FBXO28: variants seen among roughly 807,000 people sequenced by gnomAD.
FBXO28 encodes the protein F-box only protein 28.
A neutral mutation model predicts 38.1 loss-of-function variants in FBXO28; 8 were observed. The ratio of observed to expected loss-of-function variants is 0.21; its 90% CI spans 0.12 to 0.38. FBXO28 has a LOEUF of 0.38. Among genes scored for constraint, FBXO28 ranks in the 10% least tolerant of loss-of-function variants. FBXO28 has a pLI of 1.00. For missense variants in FBXO28, 345 were observed against 460.6 expected (o/e 0.75, Z 2.30); for synonymous variants, 168 against 173.8 (o/e 0.97, Z 0.26).
At position 224,161,444 on chromosome 1, in the gene FBXO28, T is replaced by C. The variant is rs1657904996; in HGVS notation, c.*3698T>C. 6.6e-6 allele frequency: 1 copy of C among 152,230 alleles called. No individual in the cohort carries two copies. The highest frequency in any genetic ancestry group is 2.4e-5 in the African/African-American group (1 of 41,470). The allele number at this position is 152,230 out of a possible 1,614,324, so 9.4% of individuals were successfully genotyped here. A position where few individuals can be genotyped will look rare whatever the true frequency, so the allele number is the denominator to read the frequency against. ...GTTTGGAAATGGCTGATTTCTGATA[T>C]GAAACCCAACTTGATACACTGTTTG... On this transcript the variant is annotated 3_prime_UTR_variant, in exon 5 of 5. Coordinates refer to ENST00000366862, the MANE Select transcript of FBXO28 (RefSeq NM_015176.4).
chr1:224,114,244 C>G lies in FBXO28; in HGVS notation c.115C>G (p.Gln39Glu). 6.4e-7 allele frequency: 1 copy of G among 1,552,862 alleles called. No homozygotes were observed. The highest frequency in any genetic ancestry group is 2.4e-5 in the East Asian group (1 of 41,388). ...GCGACAGCCTCCACCGCCCGCGCCA[C>G]AGCACCCGCAGCCGGGGTCCCAGGC... ...TQRQPPPPAP[Q>E]HPQPGSQALP... The change falls in exon 1 of 5, where the codon CAG becomes GAG. Residue 39 changes from glutamine to glutamate, a missense_variant. Gln to Glu is a conservative substitution (Grantham distance 29, BLOSUM62 2). Around this residue, in one of 6 missense-constraint regions of FBXO28, gnomAD observed 104 missense variants for 82.0 expected, o/e 1.27. Coordinates refer to ENST00000366862, the MANE Select transcript of FBXO28 (RefSeq NM_015176.4).
intron 1 of FBXO28, among the ~76,000 whole-genome samples, chr1:224,129,883 A>G (rs1184967766): frequency 1.3e-5 from 2 of 152,200 alleles, no homozygotes; most frequent in African/African-American, 4.8e-5. Flanking sequence ...CCAGCTACTC[A>G]GGAGGCTGAG....
intron 1 of FBXO28, among the ~76,000 whole-genome samples, chr1:224,125,000 T>G (rs1477018075): frequency 6.6e-6 from 1 of 152,192 alleles, no homozygotes; most frequent in African/African-American, 2.4e-5. Flanking sequence ...ATCTCTTGTG[T>G]TTTTGTGCTG....
At position 224,114,330 on chromosome 1, in the gene FBXO28, GC is replaced by G; in HGVS notation, c.204del (p.Ile69SerfsTer2). ...CTCAAAACAACACGCTTGTGGCGCT[GC>G]CCATCGTAGCCATCGAGAACATCCT... Reference protein sequence around the residue: ...LPQNNTLVALPIVAIENILSF... With the variant: ...LPQNNTLVALXIVAIENILSF... On this transcript the variant is annotated frameshift_variant, in exon 1 of 5. Coordinates refer to ENST00000366862, the MANE Select transcript of FBXO28 (RefSeq NM_015176.4). LOFTEE classifies it high-confidence loss of function. 6.3e-7 allele frequency: 1 copy of G among 1,589,350 alleles called. No homozygotes were observed. Among genetic ancestry groups the G allele is most frequent in the Non-Finnish European group, 8.6e-7 (1 of 1,167,804 alleles).
At chr1:224,140,397 T>G (rs1657315011) in intron 3 of FBXO28, among the ~76,000 whole-genome samples, 1 of 152,210 alleles carries the variant, frequency 6.6e-6, no homozygotes, top group African/African-American at 2.4e-5. Context: ...AACAGTTCCC[T>G]AGGCTCTCTT....
At chr1:224,115,934 G>T (rs1246261076) in intron 1 of FBXO28, among the ~76,000 whole-genome samples, 1 of 152,054 alleles carries the variant, frequency 6.6e-6, no homozygotes, top group Non-Finnish European at 1.5e-5. Flanking sequence ...TGGGGAGGGG[G>T]GAACCAGCCT....
At chr1:224,136,281 A>G (rs1441095134) in intron 3 of FBXO28, among the ~76,000 whole-genome samples, 3 of 151,766 alleles carry the variant, frequency 2.0e-5, no homozygotes, top group Admixed American at 2.0e-4. Context: ...CCTGTCTGCA[A>G]AATATAAGGA....
intron 1 of FBXO28, among the ~76,000 whole-genome samples, chr1:224,129,907 G>A (rs1013264808): frequency 6.6e-6 from 1 of 151,738 alleles, no homozygotes; most frequent in African/African-American, 2.4e-5. Flanking sequence ...GGAGAATGGC[G>A]TGAACCCAGG....
chr1:224,139,865 G>C (rs1274730190), intron 3 of FBXO28, among the ~76,000 whole-genome samples: 3 of 152,158 alleles, frequency 2.0e-5, no homozygotes, highest in Non-Finnish European at 4.4e-5. Context: ...GAGACGGGCA[G>C]ATGGCTTGAA....
chr1:224,146,412 T>G (rs1657505323), intron 3 of FBXO28, among the ~76,000 whole-genome samples: 1 of 152,092 alleles, frequency 6.6e-6, no homozygotes, highest in Non-Finnish European at 1.5e-5. Flanking sequence ...GGTTCAGTAT[T>G]CTAGCAGGAG....
At chr1:224,119,100 A>T (rs537562231) in intron 1 of FBXO28, among the ~76,000 whole-genome samples, 5 of 151,574 alleles carry the variant, frequency 3.3e-5, no homozygotes, top group African/African-American at 1.2e-4. Flanking sequence ...GCTCTATTCC[A>T]GAGAATACAC....
intron 3 of FBXO28, among the ~76,000 whole-genome samples, chr1:224,136,531 T>G (rs374126338): frequency 2.1e-4 from 32 of 151,042 alleles, no homozygotes; most frequent in East Asian, 1.8e-3. Context: ...AGACCATCCT[T>G]GCTAACATGG....
At chr1:224,123,767 T>C (rs1656839205) in intron 1 of FBXO28, among the ~76,000 whole-genome samples, 1 of 152,180 alleles carries the variant, frequency 6.6e-6, no homozygotes, top group African/African-American at 2.4e-5. Flanking sequence ...ATGTGCATCT[T>C]AGAATCAGTT....
At position 224,134,063 on chromosome 1, in the gene FBXO28, T is replaced by C; in HGVS notation, c.378-11T>C. 1 of 1,473,480 alleles carries C rather than the reference T, an allele frequency of 6.8e-7. No homozygotes were observed. Among genetic ancestry groups the C allele is most frequent in the South Asian group, 1.4e-5 (1 of 71,070 alleles). The allele number at this position is 1,473,480 out of a possible 1,614,324, so 91.3% of individuals were successfully genotyped here. A position where few individuals can be genotyped will look rare whatever the true frequency, so the allele number is the denominator to read the frequency against. ...ATGGTTGCCTTGCTTTTATTATTAT[T>C]ATTATTATAGGAGAGAGTCAGAAAG... On this transcript the variant is annotated splice_polypyrimidine_tract_variant and intron_variant, in intron 2 of 4. Coordinates refer to ENST00000366862, the MANE Select transcript of FBXO28 (RefSeq NM_015176.4).
chr1:224,154,080 T>C (rs116024756), intron 4 of FBXO28, among the ~76,000 whole-genome samples: 2,107 of 152,234 alleles, frequency 0.014, 54 homozygotes, highest in African/African-American at 0.048. Flanking sequence ...TGGGGTTACA[T>C]CCTGATAAAC....
At chr1:224,124,898 T>C (rs923421904) in intron 1 of FBXO28, among the ~76,000 whole-genome samples, 20 of 152,174 alleles carry the variant, frequency 1.3e-4, no homozygotes, top group African/African-American at 3.6e-4. Context: ...TGGCAAATTT[T>C]TGTATTTTTA....
intron 1 of FBXO28, among the ~76,000 whole-genome samples, chr1:224,123,104 G>A (rs751377100): frequency 1.1e-4 from 17 of 152,058 alleles, no homozygotes; most frequent in Middle Eastern, 3.4e-3. Context: ...AGGTTCTGAT[G>A]TCTTTAAGTT....
Position 224,160,385 on chromosome 1 carries a change from T to G in FBXO28, c.*2639T>G, listed in dbSNP as rs1657878010. 6.6e-6 allele frequency: 1 copy of G among 152,216 alleles called. No homozygotes were observed. The highest frequency in any genetic ancestry group is 2.4e-5 in the African/African-American group (1 of 41,466). The allele number at this position is 152,216 out of a possible 1,614,324, so 9.4% of individuals were successfully genotyped here. On this transcript the variant is annotated 3_prime_UTR_variant, in exon 5 of 5. Coordinates refer to ENST00000366862, the MANE Select transcript of FBXO28 (RefSeq NM_015176.4). ...TCCCGTTATCTTCCTTGGCTGTTTT[T>G]CAGAGGAGACGTCTCCATGTTAATG...
intron 3 of FBXO28, among the ~76,000 whole-genome samples, chr1:224,146,106 C>T (rs188157862): frequency 3.0e-3 from 453 of 149,894 alleles, no homozygotes; most frequent in African/African-American, 8.3e-3. Context: ...TGGTGGCACA[C>T]GCCTGTATTC....
Sources: allele counts gnomAD v4.1 joint callset (sites outside exome capture counted in the v4.1 genomes callset), GRCh38; gene constraint gnomAD v4.1.1; regional missense constraint gnomAD v4.1.1; transcripts MANE v1.5; gene names NCBI Gene and HGNC (gene_info 2026-07-23, HGNC 2026-07-21).